GGA1: variants seen among roughly 807,000 people sequenced by gnomAD.
The protein encoded by GGA1 is golgi associated, gamma adaptin ear containing, ARF binding protein 1, also known as ADP-ribosylation factor-binding protein GGA1.
In GGA1, 18 loss-of-function variants were observed where a neutral mutation model predicts 76.9. The ratio of observed to expected loss-of-function variants is 0.23; its 90% confidence interval spans 0.16 to 0.35. GGA1 has a LOEUF of 0.35. Among genes scored for constraint, GGA1 ranks in the 10% least tolerant of loss-of-function variants. GGA1 has a pLI of 1.00. For synonymous variants in GGA1, 342 were observed against 354.7 expected (o/e 0.96, Z 0.40); for missense variants, 755 against 859.0 (o/e 0.88, Z 1.51).
intron 2 of GGA1, among the ~76,000 whole-genome samples, chr22:37,615,710 G>T (rs1928644362): frequency 6.6e-6 from 1 of 152,056 alleles, no homozygotes; most frequent in Non-Finnish European, 1.5e-5. Flanking sequence ...GTTGCAGTGA[G>T]CCAAGATTGC....
At chr22:37,614,136 G>A in intron 1 of GGA1, 54 bp from the exon 2 acceptor site, 2 of 1,212,320 alleles carry the variant, frequency 1.6e-6, no homozygotes, top group Non-Finnish European at 2.5e-6. Context: ...GTCAGGAGTG[G>A]AAGAGCAGGA....
intron 12 of GGA1, 80 bp downstream of exon 12, chr22:37,629,606 A>T: frequency 1.1e-6 from 1 of 924,264 alleles, no homozygotes; most frequent in Non-Finnish European, 1.6e-6. Flanking sequence ...TGGAGAAACT[A>T]AAAGGATGGA....
chr22:37,615,728 CACTCCAGCATGGTGACGGTGAG>C (rs1928650453), intron 2 of GGA1, among the ~76,000 whole-genome samples: 1 of 152,082 alleles, frequency 6.6e-6, no homozygotes, highest in Non-Finnish European at 1.5e-5. Context: ...TGCATTACTG[CACTCCAGCATGGTGACGGTGAG>C]ACTCCATCTC....
At chr22:37,620,089 C>G in intron 4 of GGA1, 149 bp from the exon 5 acceptor site, 1 of 789,662 alleles carries the variant, frequency 1.3e-6, no homozygotes, top group East Asian at 2.4e-5. Context: ...CTCAGTCTAC[C>G]CCAGGCTGGT....
intron 4 of GGA1, 155 bp from the exon 5 acceptor site, chr22:37,620,083 G>C: frequency 1.3e-6 from 1 of 755,380 alleles, no homozygotes; most frequent in Non-Finnish European, 2.3e-6. Context: ...GGTGAACTCA[G>C]TCTACCCCAG....
At position 37,608,877 on chromosome 22, in the gene GGA1, A is replaced by C. The variant is rs1424301379; in HGVS notation, c.17A>C (p.Glu6Ala). 7.7e-7 allele frequency: 1 copy of C among 1,304,670 alleles called. No individual in the cohort carries two copies. The highest frequency in any genetic ancestry group is 3.2e-5 in the East Asian group (1 of 31,744). 80.8% of individuals were successfully genotyped at this position (1,304,670 alleles called of 1,614,324 possible). ...CGGTGGCGGATGGAGCCCGCGATGG[A>C]GCCGGAGACTCTGGAGGCGCGAATC... MEPAM[E>A]PETLEARINR... The change falls in exon 1 of 17, where the codon GAG becomes GCG. Residue 6 changes from glutamate (E) to alanine (A), a missense_variant. Transcript: ENST00000343632.
intron 4 of GGA1, chr22:37,619,779 C>T (rs767426808): frequency 5.1e-6 from 4 of 778,242 alleles, no homozygotes; most frequent in East Asian, 4.8e-5. Context: ...TCCATATGGC[C>T]TCCCATTCTC....
chr22:37,622,669 C>G (rs931019770), intron 7 of GGA1, among the ~76,000 whole-genome samples: 1 of 152,198 alleles, frequency 6.6e-6, no homozygotes, highest in Non-Finnish European at 1.5e-5. Flanking sequence ...CCATCTCGGC[C>G]TCCCAAAGTG....
intron 4 of GGA1, 61 bp from the exon 5 acceptor site, chr22:37,620,177 C>T: frequency 6.3e-7 from 1 of 1,598,396 alleles, no homozygotes; most frequent in South Asian, 1.1e-5. Context: ...GTGGACAGGG[C>T]TTGAGACTGA....
Position 37,623,231 on chromosome 22 carries a change from C to T in GGA1, c.610-96C>T. On this transcript the variant is annotated intron_variant, in intron 7 of 16. Transcript: ENST00000343632. This position sits in a 1 kb window ranked among gnomAD's most constrained non-coding sequence, Gnocchi z 4.6. ...TGTGATCCCACAGTCACCCAGCTGT[C>T]AACCCAGATCCCAGCACACATTCTC... The T allele has an allele frequency of 8.3e-7, 1 of 1,205,960 alleles. No individual in the cohort carries two copies. The highest frequency in any genetic ancestry group is 1.2e-6 in the Non-Finnish European group (1 of 817,180). 74.7% of individuals were successfully genotyped at this position (1,205,960 alleles called of 1,614,324 possible).
chr22:37,620,561 G>A (rs1170782799), intron 5 of GGA1, among the ~76,000 whole-genome samples, 200 bp downstream of exon 5: 3 of 152,174 alleles, frequency 2.0e-5, no homozygotes, highest in Admixed American at 6.5e-5. Context: ...AGGTGAGTTC[G>A]AATCAAGCTT....
At chr22:37,609,731 G>A (rs956145556) in intron 1 of GGA1, among the ~76,000 whole-genome samples, 8 of 152,106 alleles carry the variant, frequency 5.3e-5, no homozygotes, top group African/African-American at 9.7e-5. Flanking sequence ...CCCCGCTCCT[G>A]GACTCTGCCT....
At chr22:37,611,336 C>T (rs536109581) in intron 1 of GGA1, among the ~76,000 whole-genome samples, 2 of 151,874 alleles carry the variant, frequency 1.3e-5, no homozygotes, top group East Asian at 1.9e-4. Context: ...GAGCAGCTCC[C>T]GAGGGCTCCA....
At chr22:37,615,119 C>T (rs879839493) in intron 2 of GGA1, among the ~76,000 whole-genome samples, 6 of 151,606 alleles carry the variant, frequency 4.0e-5, no homozygotes, top group African/African-American at 1.5e-4. Context: ...GGCAACATAG[C>T]GGGGCAACAT....
chr22:37,609,025 AG>A, intron 1 of GGA1, 122 bp downstream of exon 1: 1 of 1,385,682 alleles, frequency 7.2e-7, no homozygotes, highest in Non-Finnish European at 9.3e-7. Context: ...CCGGCCCGGG[AG>A]GGGCGGTGTC....
chr22:37,623,884 G>T lies in GGA1; in HGVS notation c.832+251G>T. On this transcript the variant is annotated intron_variant, in intron 9 of 16. Coordinates refer to ENST00000343632, the MANE Select transcript of GGA1 (RefSeq NM_013365.5). The surrounding 1 kb of genome is among the most constrained non-coding windows in gnomAD (Gnocchi z 4.6). Reference sequence around the variant, plus strand: ...ACTACCCGCAGCTGCACAGGAGGCAGACCCATCCCCTTTTCACAACTGGGG... The same window carrying T: ...ACTACCCGCAGCTGCACAGGAGGCATACCCATCCCCTTTTCACAACTGGGG... 1 of 486,930 alleles carries T rather than the reference G, an allele frequency of 2.1e-6. No homozygotes were observed. Among genetic ancestry groups the T allele is most frequent in the South Asian group, 2.1e-5 (1 of 46,798 alleles). The allele number at this position is 486,930 out of a possible 1,614,324, so 30.2% of individuals were successfully genotyped here.
chr22:37,630,275 C>A, intron 13 of GGA1, 105 bp downstream of exon 13: 1 of 829,712 alleles, frequency 1.2e-6, no homozygotes. Flanking sequence ...AGGCTCGTTG[C>A]TGTCTTGTTT....
At chr22:37,627,050 A>G (rs1330249545) in intron 11 of GGA1, 3 of 152,312 alleles carry the variant, frequency 2.0e-5, no homozygotes, top group Non-Finnish European at 4.4e-5. Flanking sequence ...AGTCCCAGCT[A>G]CTGGGGAGGC....
At position 37,618,624 on chromosome 22, in the gene GGA1, G is replaced by A. The variant is rs554605559; in HGVS notation, c.303+78G>A. 1.9e-4 allele frequency: 168 copies of A among 865,202 alleles called. 1 individual carries two copies. Among genetic ancestry groups the A allele is most frequent in the Non-Finnish European group, 2.7e-4 (139 of 518,038 alleles). The allele number at this position is 865,202 out of a possible 1,614,324, so 53.6% of individuals were successfully genotyped here. On this transcript the variant is annotated intron_variant, in intron 4 of 16. Coordinates refer to ENST00000343632, the MANE Select transcript of GGA1 (RefSeq NM_013365.5). The stretch of plus-strand genomic sequence containing the variant: ...AAAGAGGACCTTCAGATTGTGGAGC[G>A]ACTTTTCCAGGGAGCCTCCCACTGG...
Sources: allele counts gnomAD v4.1 joint callset (sites outside exome capture counted in the v4.1 genomes callset), GRCh38; gene constraint gnomAD v4.1.1; non-coding constraint Gnocchi (gnomAD v3.1); transcripts MANE v1.5; gene names NCBI Gene and HGNC (gene_info 2026-07-23, HGNC 2026-07-21).